CD8B: variants seen among roughly 807,000 people sequenced by gnomAD.
The protein encoded by CD8B is T-cell surface glycoprotein CD8 beta chain.
CD8B carries 6 observed loss-of-function variants against 24.2 expected under a neutral mutation model. The observed-to-expected ratio is 0.25, with a 90% CI of 0.14 to 0.49. CD8B has a LOEUF of 0.49. Among genes scored for constraint, CD8B ranks in the 20% least tolerant of loss-of-function variants. CD8B has a pLI of 0.98. For missense variants in CD8B, 196 were observed against 271.3 expected (o/e 0.72, Z 1.95); for synonymous variants, 84 against 108.3 (o/e 0.78, Z 1.39).
downstream of CD8B, among the ~76,000 whole-genome samples, chr2:86,834,529 G>A (rs1358770607): frequency 6.6e-6 from 1 of 151,380 alleles, no homozygotes; most frequent in Non-Finnish European, 1.5e-5. Flanking sequence ...CAGTGTGGGG[G>A]AGAGGGTGGG....
chr2:86,834,336 A>G (rs1304772719), downstream of CD8B, among the ~76,000 whole-genome samples: 1 of 152,026 alleles, frequency 6.6e-6, no homozygotes, highest in African/African-American at 2.4e-5. Flanking sequence ...TTGTATGCAA[A>G]TGACAGATTA....
intron 1 of CD8B, among the ~76,000 whole-genome samples, chr2:86,860,076 C>T (rs1418243296): frequency 6.6e-6 from 1 of 151,948 alleles, no homozygotes; most frequent in Non-Finnish European, 1.5e-5. Flanking sequence ...TCGAGACCAG[C>T]CTGGGCAACA....
intron 1 of CD8B, among the ~76,000 whole-genome samples, chr2:86,861,602 C>T (rs1170077441): frequency 6.6e-6 from 1 of 152,166 alleles, no homozygotes; most frequent in Non-Finnish European, 1.5e-5. Context: ...GGGAGGTGGC[C>T]TCAGTCCAGG....
At chr2:86,844,850 C>T (rs1487909873) in intron 5 of CD8B, 72 bp downstream of exon 5, 20 of 1,552,550 alleles carry the variant, frequency 1.3e-5, no homozygotes, top group Admixed American at 2.0e-5. Flanking sequence ...TTTGGCTCCT[C>T]GCTGCAGTTA....
Position 86,832,890 on chromosome 2 carries a change from G to A in CD8B, c.620+12032C>T, listed in dbSNP as rs374169027. 73 of 176,730 alleles carry A rather than the reference G, an allele frequency of 4.1e-4. 3 individuals carry two copies. In the East Asian group the frequency reaches 9.7e-3, roughly 24 times the overall value. The allele number at this position is 176,730 out of a possible 1,614,324, so 10.9% of individuals were successfully genotyped here. A position where few individuals can be genotyped will look rare whatever the true frequency, so the allele number is the denominator to read the frequency against. On this transcript the variant is annotated intron_variant, in intron 5 of 5. Coordinates refer to the CD8B transcript ENST00000331469. ...ATCCCTTTTCCAGGGGAAAGTTTTT[G>A]TTTTGACACTCATGGTCAGCACTGG...
At chr2:86,826,260 G>A (rs1285492267) in intron 5 of CD8B, among the ~76,000 whole-genome samples, 2 of 151,976 alleles carry the variant, frequency 1.3e-5, no homozygotes, top group African/African-American at 2.4e-5. Context: ...TTGTTTAGCC[G>A]GTGACACCTC....
At chr2:86,829,293 G>A (rs150384218) in intron 5 of CD8B, among the ~76,000 whole-genome samples, 61 of 151,916 alleles carry the variant, frequency 4.0e-4, no homozygotes, top group African/African-American at 1.4e-3. Context: ...TTTTAGTAGA[G>A]ACAGGGTTTC....
intron 4 of CD8B, among the ~76,000 whole-genome samples, chr2:86,845,858 G>A (rs1675647722): frequency 6.6e-6 from 1 of 152,190 alleles, no homozygotes; most frequent in Admixed American, 6.5e-5. Flanking sequence ...ATGCTCCTGG[G>A]TGCATTTCTG....
downstream of CD8B, among the ~76,000 whole-genome samples, chr2:86,833,544 G>A (rs62146089): frequency 8.6e-4 from 59 of 68,496 alleles, no homozygotes; most frequent in Admixed American, 7.5e-3. Context: ...CTCCCCTCCC[G>A]TCCGCTCTCC....
At chr2:86,854,279 A>T (rs938696203) in intron 2 of CD8B, among the ~76,000 whole-genome samples, 1 of 152,040 alleles carries the variant, frequency 6.6e-6, no homozygotes, top group African/African-American at 2.4e-5. Context: ...CCTCCGCCCA[A>T]CTCGGCATTC....
At chr2:86,843,686 A>C in intron 5 of CD8B, 1 of 985,404 alleles carries the variant, frequency 1.0e-6, no homozygotes, top group African/African-American at 1.7e-5. Context: ...TGCAGAGTGG[A>C]ATTTACTGAA....
chr2:86,823,134 C>A (rs1674541338), intron 5 of CD8B, among the ~76,000 whole-genome samples: 1 of 152,056 alleles, frequency 6.6e-6, no homozygotes. Context: ...CTCCCCATTC[C>A]CCCTCCCCCA....
Position 86,846,736 on chromosome 2 carries a change from C to T in CD8B, c.531G>A (p.Val177=). Residue 177 remains valine (V), a synonymous_variant, in exon 4 of 6, where the codon GTG becomes GTA. Coordinates refer to ENST00000390655, the MANE Select transcript of CD8B (RefSeq NM_004931.5). ...AAACCAGCAGAACCAGGACGCCAGCCACCAGCAGGCCAAGGGTGATGGGGC... is the reference window on the plus strand; with the variant it reads ...AAACCAGCAGAACCAGGACGCCAGCTACCAGCAGGCCAAGGGTGATGGGGC... ...LCSPITLGLL[V]AGVLVLLVSL... The T allele has an allele frequency of 3.8e-6, 6 of 1,585,290 alleles. No homozygotes were observed. Among genetic ancestry groups the T allele is most frequent in the Non-Finnish European group, 5.1e-6 (6 of 1,165,192 alleles).
At chr2:86,832,848 T>G (rs1674955633) in intron 5 of CD8B, among the ~76,000 whole-genome samples, 1 of 152,214 alleles carries the variant, frequency 6.6e-6, no homozygotes, top group East Asian at 1.9e-4. Context: ...TGATCTCTTG[T>G]TATTTAAATG....
chr2:86,826,119 G>A (rs1028963138), intron 5 of CD8B, among the ~76,000 whole-genome samples: 1 of 152,052 alleles, frequency 6.6e-6, no homozygotes, highest in Non-Finnish European at 1.5e-5. Flanking sequence ...TTCAAAGCCC[G>A]GGAGGAAGTG....
At chr2:86,854,037 G>A (rs954381489) in intron 2 of CD8B, among the ~76,000 whole-genome samples, 3 of 149,868 alleles carry the variant, frequency 2.0e-5, no homozygotes, top group Admixed American at 6.6e-5. Context: ...CACCGCACCC[G>A]GCCGACCTAC....
intron 5 of CD8B, among the ~76,000 whole-genome samples, chr2:86,816,767 A>G (rs1674265184): frequency 6.6e-6 from 1 of 152,232 alleles, no homozygotes. Flanking sequence ...TTTTTTAAAA[A>G]ATGTGTTTTT....
rs1279807682 is a variant in CD8B, at chr2:86,840,956, C to G, written c.*1351G>C. ...GTTGTCACAGGTAACTGAACATAAC[C>G]TGATTTGTCAATGTCCTTCTTTGAG... On this transcript the variant is annotated 3_prime_UTR_variant, in exon 6 of 6. Coordinates refer to ENST00000390655, the MANE Select transcript of CD8B (RefSeq NM_004931.5). 2.6e-5 allele frequency among the ~76,000 whole-genome samples: 4 copies of G among 152,132 alleles called. No individual in the cohort carries two copies. The highest frequency in any genetic ancestry group is 9.7e-5 in the African/African-American group (4 of 41,430).
intron 1 of CD8B, among the ~76,000 whole-genome samples, chr2:86,858,650 T>A (rs1676411316): frequency 7.0e-6 from 1 of 142,092 alleles, no homozygotes; most frequent in Non-Finnish European, 1.5e-5. Context: ...TTTACAAAGG[T>A]ACAGGGGAGA....
Sources: gnomAD v4.1 joint callset for allele counts (sites outside exome capture counted in the v4.1 genomes callset) on GRCh38, gnomAD v4.1.1 for gene constraint, MANE v1.5 for transcripts, NCBI Gene and HGNC (gene_info 2026-07-23, HGNC 2026-07-21) for gene names.